KLHDC4: variants seen among roughly 807,000 people sequenced by gnomAD.
The protein encoded by KLHDC4 is kelch domain containing 4, also known as kelch domain-containing protein 4.
A neutral mutation model predicts 62.4 loss-of-function variants in KLHDC4; 90 were observed. The observed-to-expected ratio is 1.44, with a 90% CI of 1.22 to 1.72. KLHDC4 has a LOEUF of 1.72. KLHDC4 is among the 40% of genes most tolerant of loss of function. KLHDC4 has a pLI of 0.00. For synonymous variants in KLHDC4, 386 were observed against 284.4 expected (o/e 1.36, Z -3.59); for missense variants, 1,025 against 699.7 (o/e 1.47, Z -5.25).
chr16:87,727,641 G>A (rs2039608643), intron 6 of KLHDC4, among the ~76,000 whole-genome samples: 2 of 152,202 alleles, frequency 1.3e-5, no homozygotes, highest in Admixed American at 6.5e-5. Flanking sequence ...GGAGGCATGG[G>A]GAGACTCGGA....
downstream of KLHDC4, among the ~76,000 whole-genome samples, chr16:87,706,965 G>C (rs924853197): frequency 4.6e-5 from 7 of 152,132 alleles, no homozygotes; most frequent in Non-Finnish European, 1.0e-4. Flanking sequence ...CCGCCAGGAG[G>C]GAAGTCTCCC....
chr16:87,765,779 C>G lies in KLHDC4; in HGVS notation c.99+13G>C. The G allele has an allele frequency of 3.2e-6, 5 of 1,568,270 alleles. No individual in the cohort carries two copies. Among genetic ancestry groups the G allele is most frequent in the Non-Finnish European group, 4.3e-6 (5 of 1,156,684 alleles). On this transcript the variant is annotated intron_variant, in intron 1 of 11. Coordinates refer to ENST00000270583, the MANE Select transcript of KLHDC4 (RefSeq NM_017566.4). ...GCGACGTCGGGCCGCTAAGCCCGGTCTGACCCGCTCACCTCCTCCTTCCGC... is the reference window on the plus strand; with the variant it reads ...GCGACGTCGGGCCGCTAAGCCCGGTGTGACCCGCTCACCTCCTCCTTCCGC...
At chr16:87,760,493 G>C (rs1235637505) in intron 2 of KLHDC4, among the ~76,000 whole-genome samples, 1 of 150,984 alleles carries the variant, frequency 6.6e-6, no homozygotes, top group East Asian at 1.9e-4. Context: ...TGTAGTCCCA[G>C]CTACTTGGCA....
intron 1 of KLHDC4, among the ~76,000 whole-genome samples, chr16:87,762,492 C>A (rs1468415024): frequency 6.6e-6 from 1 of 152,254 alleles, no homozygotes; most frequent in Non-Finnish European, 1.5e-5. Flanking sequence ...CAGGCCTGGG[C>A]CGTCACGCCT....
intron 10 of KLHDC4, 193 bp from the exon 11 acceptor site, chr16:87,708,659 A>G (rs920324562): frequency 5.9e-5 from 25 of 426,516 alleles, no homozygotes; most frequent in Non-Finnish European, 9.9e-5. Context: ...GCTTCAGGAC[A>G]GAGATCCGAG....
intron 7 of KLHDC4, among the ~76,000 whole-genome samples, chr16:87,724,755 A>C (rs927235132): frequency 6.6e-6 from 1 of 152,308 alleles, no homozygotes. Flanking sequence ...CTGCTTCGGG[A>C]AGAGAGCTGA....
At chr16:87,756,941 G>C (rs2045042523) in intron 2 of KLHDC4, among the ~76,000 whole-genome samples, 1 of 151,846 alleles carries the variant, frequency 6.6e-6, no homozygotes, top group Admixed American at 6.6e-5. Flanking sequence ...AGCCCTCCGA[G>C]TGGCTGGGAT....
At chr16:87,718,214 A>G (rs1481399689) in intron 7 of KLHDC4, among the ~76,000 whole-genome samples, 7 of 152,104 alleles carry the variant, frequency 4.6e-5, no homozygotes, top group African/African-American at 1.7e-4. Context: ...ACCTGTGCTC[A>G]AGCTCTATTA....
At chr16:87,707,300 C>T (rs998895999), downstream of KLHDC4, among the ~76,000 whole-genome samples, 3 of 152,232 alleles carry the variant, frequency 2.0e-5, no homozygotes, top group South Asian at 2.1e-4. Flanking sequence ...TGGGAGCCCT[C>T]GCCCTCCAGC....
intron 7 of KLHDC4, among the ~76,000 whole-genome samples, chr16:87,714,826 C>T (rs1045832493): frequency 6.6e-6 from 1 of 152,188 alleles, no homozygotes; most frequent in Admixed American, 6.5e-5. Flanking sequence ...GAGTTCCTGT[C>T]GGGGCACGCA....
intron 5 of KLHDC4, among the ~76,000 whole-genome samples, chr16:87,742,786 C>T (rs1035830775): frequency 1.3e-5 from 2 of 152,110 alleles, no homozygotes; most frequent in African/African-American, 4.8e-5. Context: ...CTCTGCTGGC[C>T]ACTGTGCCAG....
chr16:87,734,827 G>T (rs570874118), intron 5 of KLHDC4, among the ~76,000 whole-genome samples: 112 of 152,200 alleles, frequency 7.4e-4, no homozygotes, highest in African/African-American at 2.6e-3. Context: ...GGCACCGCAG[G>T]GGACAGCACC....
chr16:87,751,929 G>A (rs2044030957), intron 4 of KLHDC4, among the ~76,000 whole-genome samples: 1 of 151,288 alleles, frequency 6.6e-6, no homozygotes, highest in South Asian at 2.1e-4. Context: ...AAAAAAATTA[G>A]CCAGGCACGG....
At chr16:87,742,151 C>T (rs1207139244) in intron 5 of KLHDC4, among the ~76,000 whole-genome samples, 1 of 152,176 alleles carries the variant, frequency 6.6e-6, no homozygotes, top group East Asian at 1.9e-4. Flanking sequence ...GCAGCGGCCA[C>T]ATAGTGTGTG....
intron 7 of KLHDC4, among the ~76,000 whole-genome samples, chr16:87,724,349 A>G (rs2038968193): frequency 6.6e-6 from 1 of 152,216 alleles, no homozygotes; most frequent in Non-Finnish European, 1.5e-5. Context: ...CGCAATAATC[A>G]CAAAAGAAAA....
intron 1 of KLHDC4, among the ~76,000 whole-genome samples, chr16:87,765,534 T>G (rs1319813701): frequency 2.0e-5 from 3 of 151,920 alleles, no homozygotes; most frequent in African/African-American, 7.3e-5. Context: ...AAAACGCCCG[T>G]GACACCACAC....
In KLHDC4 at chr16:87,709,317, G is replaced by C. The variant is rs2035300984; in HGVS notation, c.1395C>G (p.Cys465Trp). The C allele has an allele frequency of 1.2e-6, 2 of 1,613,168 alleles. No individual in the cohort carries two copies. Among genetic ancestry groups the C allele is most frequent in the South Asian group, 2.2e-5 (2 of 91,088 alleles). Reference protein sequence around the residue: ...DRQVTLSDLHCLDLHRMEAWK... With the variant: ...DRQVTLSDLHWLDLHRMEAWK... Reference sequence around the variant, plus strand: ...ACGCCTCCATCCTGTGCAGGTCCAGGCAGTGCAGGTCGCTGAGGGTGACCT... The same window carrying C: ...ACGCCTCCATCCTGTGCAGGTCCAGCCAGTGCAGGTCGCTGAGGGTGACCT... Residue 465 changes from cysteine to tryptophan, a missense_variant, in exon 10 of 12, where the codon TGC (cysteine) becomes TGG (tryptophan). Cys to Trp is a radical substitution (Grantham distance 215, BLOSUM62 -2). Coordinates refer to ENST00000270583, the MANE Select transcript of KLHDC4 (RefSeq NM_017566.4).
At chr16:87,731,053 T>G (rs957431752) in intron 5 of KLHDC4, 132 of 60,264 alleles carry the variant, frequency 2.2e-3, no homozygotes, top group African/African-American at 0.012. Flanking sequence ...ATTCTTTTTT[T>G]TTTTTTTTTT....
At chr16:87,718,636 C>T (rs2037564361) in intron 7 of KLHDC4, among the ~76,000 whole-genome samples, 1 of 151,920 alleles carries the variant, frequency 6.6e-6, no homozygotes, top group Non-Finnish European at 1.5e-5. Context: ...CAGCCTCTGC[C>T]CGGCCGCCAC....
Sources: gnomAD v4.1 joint callset for allele counts (sites outside exome capture counted in the v4.1 genomes callset) on GRCh38, gnomAD v4.1.1 for gene constraint, MANE v1.5 for transcripts, NCBI Gene and HGNC (gene_info 2026-07-23, HGNC 2026-07-21) for gene names.